The following SOCS5 variants were observed in gnomAD, a reference collection of about 807,000 sequenced individuals.
SOCS5 encodes the protein CIS-6.
Under a neutral mutation model 42.8 loss-of-function variants are expected in SOCS5, and 32 were observed. The observed-to-expected ratio is 0.75, with a 90% CI of 0.56 to 1.01. The LOEUF is 1.01. SOCS5 is among the 50% of genes least tolerant of loss of function. The pLI is 0.00. For missense variants in SOCS5, 627 were observed against 653.0 expected (o/e 0.96, Z 0.43); for synonymous variants, 283 against 229.6 (o/e 1.23, Z -2.10).
At chr2:46,732,932 C>G (rs376977889) in intron 1 of SOCS5, among the ~76,000 whole-genome samples, 6 of 152,016 alleles carry the variant, frequency 3.9e-5, no homozygotes, top group African/African-American at 1.5e-4. Flanking sequence ...TTCACAATAG[C>G]TGGTTTCACT....
chr2:46,711,137 G>T (rs889825961), intron 1 of SOCS5, among the ~76,000 whole-genome samples: 3 of 152,150 alleles, frequency 2.0e-5, no homozygotes, highest in African/African-American at 7.2e-5. Context: ...GTCTTTTTGT[G>T]ACATGTTTTC....
intron 1 of SOCS5, among the ~76,000 whole-genome samples, chr2:46,732,239 G>T (rs1673143490): frequency 6.6e-6 from 1 of 152,250 alleles, no homozygotes; most frequent in South Asian, 2.1e-4. Flanking sequence ...AGAACTGACT[G>T]TATCAGGGCT....
At chr2:46,710,459 T>A (rs954379468) in intron 1 of SOCS5, among the ~76,000 whole-genome samples, 31 of 152,176 alleles carry the variant, frequency 2.0e-4, no homozygotes, top group African/African-American at 6.5e-4. Context: ...TTAATTTTTT[T>A]AAAAAGTGGA....
At chr2:46,732,056 G>C (rs1673134795) in intron 1 of SOCS5, among the ~76,000 whole-genome samples, 1 of 152,172 alleles carries the variant, frequency 6.6e-6, no homozygotes. Context: ...GGAGATGTTT[G>C]AGGTATATGT....
chr2:46,717,526 G>GT (rs1034861230), intron 1 of SOCS5, among the ~76,000 whole-genome samples: 23 of 150,550 alleles, frequency 1.5e-4, no homozygotes, highest in South Asian at 6.3e-4. Context: ...CGGGTTAACG[G>GT]TTTTTTTTTC....
In SOCS5 at chr2:46,761,195, G is replaced by T. The variant is rs1673861312; in HGVS notation, c.*1054G>T. ...TGAAACCTAAATTGCAGATTTAAAAGGTACTGTACAACCATTATATCTGTA... is the reference window on the plus strand; with the variant it reads ...TGAAACCTAAATTGCAGATTTAAAATGTACTGTACAACCATTATATCTGTA... On this transcript the variant is annotated 3_prime_UTR_variant, in exon 2 of 2. Coordinates refer to ENST00000394861, the MANE Select transcript of SOCS5 (RefSeq NM_144949.3). 6.0e-6 allele frequency: 1 copy of T among 166,988 alleles called. No individual in the cohort carries two copies. Among genetic ancestry groups the T allele is most frequent in the South Asian group, 2.1e-4 (1 of 4,826 alleles). 10.3% of individuals were successfully genotyped at this position (166,988 alleles called of 1,614,324 possible).
chr2:46,730,029 G>A (rs1013374671), intron 1 of SOCS5, among the ~76,000 whole-genome samples: 1 of 152,028 alleles, frequency 6.6e-6, no homozygotes, highest in African/African-American at 2.4e-5. Flanking sequence ...CATACACTTG[G>A]TTAGGATCAT....
chr2:46,735,374 C>A (rs1054656071), intron 1 of SOCS5, among the ~76,000 whole-genome samples: 1 of 152,126 alleles, frequency 6.6e-6, no homozygotes, highest in African/African-American at 2.4e-5. Flanking sequence ...TAAAGCCTCC[C>A]ACACCATGTA....
In SOCS5 at chr2:46,735,240, G is replaced by A. The variant is rs538712737; in HGVS notation, c.-12-23279G>A. 2.6e-5 allele frequency among the ~76,000 whole-genome samples: 4 copies of A among 152,270 alleles called. No individual in the cohort carries two copies. In the South Asian group the frequency reaches 6.2e-4, roughly 24 times the overall value. ...GAAGTAATTTTCAGCTCATGGCTTT[G>A]GAAGCTCTCAGATTTGACCCTTGTC... is the stretch of plus-strand genomic sequence containing the variant. On this transcript the variant is annotated intron_variant, in intron 1 of 1. Transcript: ENST00000394861.
chr2:46,723,388 T>C (rs1358191016), intron 1 of SOCS5, among the ~76,000 whole-genome samples: 1 of 152,080 alleles, frequency 6.6e-6, no homozygotes, highest in Non-Finnish European at 1.5e-5. Context: ...TTTTATCTCA[T>C]GTTCTGAAAG....
chr2:46,731,384 C>G (rs1673120520), intron 1 of SOCS5, among the ~76,000 whole-genome samples: 2 of 152,204 alleles, frequency 1.3e-5, no homozygotes, highest in Admixed American at 1.3e-4. Flanking sequence ...CTGTGATGAT[C>G]TTAGACTTTC....
chr2:46,719,198 C>T (rs1458460718), intron 1 of SOCS5, among the ~76,000 whole-genome samples: 2 of 152,204 alleles, frequency 1.3e-5, no homozygotes, highest in South Asian at 2.1e-4. Context: ...AGAAACTGTT[C>T]ACAATATAGT....
At chr2:46,740,147 C>T (rs1156355612) in intron 1 of SOCS5, among the ~76,000 whole-genome samples, 1 of 152,184 alleles carries the variant, frequency 6.6e-6, no homozygotes, top group African/African-American at 2.4e-5. Context: ...CTAAGGAGAA[C>T]ATTCACTGAG....
intron 1 of SOCS5, among the ~76,000 whole-genome samples, chr2:46,748,338 A>T (rs535728163): frequency 6.6e-6 from 1 of 151,800 alleles, no homozygotes; most frequent in African/African-American, 2.4e-5. Flanking sequence ...GATGCATGCC[A>T]CTTGGCCTGG....
intron 1 of SOCS5, among the ~76,000 whole-genome samples, chr2:46,734,381 T>G (rs759980300): frequency 2.0e-5 from 3 of 152,196 alleles, no homozygotes; most frequent in Admixed American, 2.0e-4. Context: ...TATCACTTAC[T>G]AACCTATGAC....
At chr2:46,700,523 C>G (rs1024126799) in intron 1 of SOCS5, among the ~76,000 whole-genome samples, 25 of 152,156 alleles carry the variant, frequency 1.6e-4, no homozygotes, top group African/African-American at 6.0e-4. Context: ...CTTTTCCTTA[C>G]TTTCGTTTCT....
chr2:46,715,884 G>T (rs1428746639), intron 1 of SOCS5, among the ~76,000 whole-genome samples: 1 of 151,756 alleles, frequency 6.6e-6, no homozygotes, highest in African/African-American at 2.4e-5. Context: ...TTTCTTCTCA[G>T]GTGTCTTTCT....
chr2:46,701,227 G>A (rs1183324611), intron 1 of SOCS5, among the ~76,000 whole-genome samples: 3 of 152,194 alleles, frequency 2.0e-5, no homozygotes, highest in East Asian at 1.9e-4. Context: ...GATTAGGGAA[G>A]CTTTCCCCTA....
intron 1 of SOCS5, among the ~76,000 whole-genome samples, chr2:46,713,474 A>G (rs1672672882): frequency 6.6e-6 from 1 of 152,214 alleles, no homozygotes; most frequent in Admixed American, 6.5e-5. Context: ...AATTTTATGA[A>G]ACAATATTTC....
Sources: gnomAD v4.1 joint callset for allele counts (sites outside exome capture counted in the v4.1 genomes callset) on GRCh38, gnomAD v4.1.1 for gene constraint, MANE v1.5 for transcripts, NCBI Gene and HGNC (gene_info 2026-07-23, HGNC 2026-07-21) for gene names.